DNAAF3: variants seen among roughly 807,000 people sequenced by gnomAD.
DNAAF3 encodes the protein UPF0470 protein C19orf51.
A neutral mutation model predicts 50.9 loss-of-function variants in DNAAF3; 40 were observed. The observed-to-expected ratio is 0.79, with a 90% CI of 0.61 to 1.02. The LOEUF is 1.02. DNAAF3 is among the 50% of genes least tolerant of loss of function. The pLI is 0.00. For missense variants in DNAAF3, 763 were observed against 744.7 expected, an observed-to-expected ratio of 1.02 and a Z score of -0.29; for synonymous variants, 327 against 322.8, an observed-to-expected ratio of 1.01 and a Z score of -0.14.
chr19:55,159,419 C>T lies in DNAAF3; in HGVS notation c.1269G>A (p.Leu423=). 1.2e-6 allele frequency: 2 copies of T among 1,614,124 alleles called. No individual in the cohort carries two copies. The highest frequency in any genetic ancestry group is 1.7e-6 in the Non-Finnish European group (2 of 1,179,990). The change falls in exon 12 of 12, where the codon CTG becomes CTA. Residue 423 remains leucine (L), a synonymous_variant. Coordinates refer to ENST00000524407, the MANE Select transcript of DNAAF3 (RefSeq NM_001256715.2). ...CCCTGACCCGGGTGTTGAATCCCTG[C>T]AGCTGCTCCTGCCGCACGTCCACCA... ...RYLVDVRQEQ[L]QGFNTRVREL... is the part of the protein sequence containing the mutation.
intron 4 of DNAAF3, among the ~76,000 whole-genome samples, chr19:55,162,976 ATTTCTTTTTCT>A (rs2085864979): frequency 4.1e-4 from 28 of 68,164 alleles, no homozygotes; most frequent in African/African-American, 1.0e-3. Context: ...CTAATGTTTT[ATTTCTTTTTCT>A]TTTCTTTTTC....
In DNAAF3 at chr19:55,161,517, C is replaced by A; in HGVS notation, c.664-99G>T. ...AGACCCAGGAGTCCAGGTCCCCAGG[C>A]CCTCCTCCCTCAGACCCAGGAGTTC... On this transcript the variant is annotated intron_variant, in intron 6 of 11. Transcript: ENST00000524407. This position sits in a 1 kb window ranked among gnomAD's most constrained non-coding sequence, Gnocchi z 6.4. 6.7e-7 allele frequency: 1 copy of A among 1,498,250 alleles called. No individual in the cohort carries two copies. The highest frequency in any genetic ancestry group is 8.9e-7 in the Non-Finnish European group (1 of 1,125,890). The allele number at this position is 1,498,250 out of a possible 1,614,324, so 92.8% of individuals were successfully genotyped here. A position where few individuals can be genotyped will look rare whatever the true frequency, so the allele number is the denominator to read the frequency against.
intron 4 of DNAAF3, 102 bp downstream of exon 4, chr19:55,165,268 G>A: frequency 8.3e-7 from 1 of 1,198,838 alleles, no homozygotes; most frequent in South Asian, 1.3e-5. Context: ...CCGCCTCCCA[G>A]GAAAATAACC....
At position 55,161,382 on chromosome 19, in the gene DNAAF3, G is replaced by T. The variant is rs1161330739; in HGVS notation, c.700C>A (p.Arg234=). The T allele has an allele frequency of 2.8e-6, 4 of 1,443,536 alleles. No individual in the cohort carries two copies. Among genetic ancestry groups the T allele is most frequent in the African/African-American group, 3.0e-5 (2 of 67,548 alleles). 89.4% of individuals were successfully genotyped at this position (1,443,536 alleles called of 1,614,324 possible). ...VIHPQEFRRW[R]DTGVAFELRD... ...AGTTCAAAGGCGACGCCTGTGTCCC[G>T]CCAGCGTCGGAACTCCTGGGGGTGA... Residue 234 remains arginine (R), a synonymous_variant, in exon 7 of 12, where the codon CGG becomes AGG. Transcript: ENST00000524407. The surrounding 1 kb of genome is among the most constrained non-coding windows in gnomAD (Gnocchi z 6.4).
At position 55,165,446 on chromosome 19, in the gene DNAAF3, A is replaced by G; in HGVS notation, c.246T>C (p.Asn82=). 6.2e-7 allele frequency: 1 copy of G among 1,614,032 alleles called. No individual in the cohort carries two copies. Among genetic ancestry groups the G allele is most frequent in the East Asian group, 2.2e-5 (1 of 44,874 alleles). The part of the protein sequence containing the change: ...RRRFNFFVLE[N]NLEAVARHML... ...TGTGTCGGGCCACAGCTTCCAGATT[A>G]TTCTCCAGCACAAAGAACTAGAAGG... The change falls in exon 4 of 12, where the codon AAT becomes AAC. Residue 82 remains asparagine, a synonymous_variant. Coordinates refer to ENST00000524407, the MANE Select transcript of DNAAF3 (RefSeq NM_001256715.2).
chr19:55,161,198 A>G lies in DNAAF3; in HGVS notation c.790-11T>C. On this transcript the variant is annotated splice_polypyrimidine_tract_variant and intron_variant, in intron 7 of 11. Transcript: ENST00000524407. The surrounding 1 kb of genome is among the most constrained non-coding windows in gnomAD (Gnocchi z 6.4). ...CACGCGCTCCCCACGCTGGAAAAGG[A>G]GGGAGAGAGGAGGCAGGTGAGGTCG... 2 of 1,580,878 alleles carry G rather than the reference A, an allele frequency of 1.3e-6. No individual in the cohort carries two copies. Among genetic ancestry groups the G allele is most frequent in the East Asian group, 2.3e-5 (1 of 42,990 alleles).
chr19:55,160,775 T>A lies in DNAAF3; in HGVS notation c.913A>T (p.Thr305Ser), dbSNP rs774742991. Residue 305 changes from threonine to serine, a missense_variant and splice_region_variant, in exon 9 of 12, where the codon ACG (threonine) becomes TCG (serine). Physicochemically the swap from Thr to Ser is moderately conservative, Grantham distance 58. Coordinates refer to ENST00000524407, the MANE Select transcript of DNAAF3 (RefSeq NM_001256715.2). This position sits in a 1 kb window ranked among gnomAD's most constrained non-coding sequence, Gnocchi z 4.7. The stretch of plus-strand genomic sequence containing the variant: ...TTGTGTTGAGTGATCTCCCCGGCCG[T>A]CTAACAGTAGAAGGGGCGTGGCCAG... The part of the protein sequence containing the change: ...LRTSNGQPVK[T>S]AGEITQHNVT... 1.9e-6 allele frequency: 3 copies of A among 1,608,682 alleles called. No homozygotes were observed. Among genetic ancestry groups the A allele is most frequent in the Non-Finnish European group, 2.5e-6 (3 of 1,179,204 alleles).
At chr19:55,162,350 C>G in intron 4 of DNAAF3, 60 bp from the exon 5 acceptor site, 1 of 1,242,028 alleles carries the variant, frequency 8.1e-7, no homozygotes, top group Non-Finnish European at 1.0e-6. Context: ...GAAATTACAC[C>G]CTTAATATGT....
chr19:55,163,739 G>A (rs1185212764), intron 4 of DNAAF3, among the ~76,000 whole-genome samples: 1 of 152,166 alleles, frequency 6.6e-6, no homozygotes. Flanking sequence ...ATAGTTTCAT[G>A]TTAGTTGTTT....
In DNAAF3 at chr19:55,160,991, T is replaced by A; in HGVS notation, c.912+74A>T. The A allele has an allele frequency of 4.1e-6, 6 of 1,476,252 alleles. No homozygotes were observed. The highest frequency in any genetic ancestry group is 5.4e-6 in the Non-Finnish European group (6 of 1,116,056). The allele number at this position is 1,476,252 out of a possible 1,614,324, so 91.4% of individuals were successfully genotyped here. On this transcript the variant is annotated intron_variant, in intron 8 of 11. Transcript: ENST00000524407. The surrounding 1 kb of genome is among the most constrained non-coding windows in gnomAD (Gnocchi z 4.7). ...GTCTGGAGCTGGGGGCGGGGCCTGCTGTGGGGGCGGGGCCTTGCGCACCCA... is the reference window on the plus strand; with the variant it reads ...GTCTGGAGCTGGGGGCGGGGCCTGCAGTGGGGGCGGGGCCTTGCGCACCCA...
intron 10 of DNAAF3, 115 bp downstream of exon 10, chr19:55,159,784 T>A: frequency 1.0e-6 from 1 of 964,078 alleles, no homozygotes; most frequent in Non-Finnish European, 1.3e-6. Context: ...GCTGGGGGCC[T>A]GGACCCCTGG....
At position 55,160,036 on chromosome 19, in the gene DNAAF3, T is replaced by G; in HGVS notation, c.1049-23A>C. 1 of 1,483,888 alleles carries G rather than the reference T, an allele frequency of 6.7e-7. No homozygotes were observed. Among genetic ancestry groups the G allele is most frequent in the Non-Finnish European group, 9.4e-7 (1 of 1,062,982 alleles). The allele number at this position is 1,483,888 out of a possible 1,614,324, so 91.9% of individuals were successfully genotyped here. A position where few individuals can be genotyped will look rare whatever the true frequency, so the allele number is the denominator to read the frequency against. On this transcript the variant is annotated intron_variant, in intron 9 of 11. Transcript: ENST00000524407. The surrounding 1 kb of genome is among the most constrained non-coding windows in gnomAD (Gnocchi z 4.7). ...CTGCTGGGGGAAGGGGATAGAGGGG[T>G]CACCTCTGACAGGCGGAGCCATAAG...
intron 4 of DNAAF3, among the ~76,000 whole-genome samples, chr19:55,165,028 T>C (rs2085913120): frequency 1.5e-5 from 2 of 133,766 alleles, no homozygotes; most frequent in Non-Finnish European, 3.2e-5. Flanking sequence ...TCTCTTTTTT[T>C]TTTTTTTTTT....
intron 4 of DNAAF3, among the ~76,000 whole-genome samples, chr19:55,164,458 G>T (rs1013792809): frequency 1.3e-5 from 2 of 152,134 alleles, no homozygotes; most frequent in African/African-American, 4.8e-5. Context: ...CTCCAATCTG[G>T]GCAACGGGAC....
chr19:55,164,523 CTT>C (rs1189415829), intron 4 of DNAAF3, among the ~76,000 whole-genome samples: 4 of 145,400 alleles, frequency 2.8e-5, no homozygotes, highest in African/African-American at 1.0e-4. Flanking sequence ...TTTTCTTTTT[CTT>C]TCTTTCTTTT....
upstream of DNAAF3, chr19:55,166,665 G>C: frequency 6.2e-7 from 1 of 1,605,882 alleles, no homozygotes; most frequent in Non-Finnish European, 8.5e-7. The surrounding 1 kb of genome is among the most constrained non-coding windows in gnomAD (Gnocchi z 4.0). Context: ...TGGGACCACA[G>C]CGAGCAACTG....
rs925142793 is a variant in DNAAF3 at position 55,166,490 on chromosome 19, C to T, written c.-5+33G>A. 1.2e-6 allele frequency: 2 copies of T among 1,613,736 alleles called. No homozygotes were observed. ...CCCTCTCACCGCCCCTCACTTCTCG[C>T]CCCTTTGCCTCCACATGATACCTTG... On this transcript the variant is annotated intron_variant, in intron 1 of 11. Transcript: ENST00000524407. This position sits in a 1 kb window ranked among gnomAD's most constrained non-coding sequence, Gnocchi z 4.0.
upstream of DNAAF3, chr19:55,166,626 G>A (rs779603085): frequency 6.2e-7 from 1 of 1,613,800 alleles, no homozygotes; most frequent in Admixed American, 1.7e-5. This position sits in a 1 kb window ranked among gnomAD's most constrained non-coding sequence, Gnocchi z 4.0. Context: ...CGCCCTTTTC[G>A]AGGAATCAAG....
chr19:55,161,312 G>A lies in DNAAF3; in HGVS notation c.770C>T (p.Ser257Phe), dbSNP rs765044149. The change falls in exon 7 of 12, where the codon TCC (serine) becomes TTC (phenylalanine). Residue 257 changes from serine to phenylalanine, a missense_variant. By Grantham distance (155) the Ser-to-Phe change is radical. Coordinates refer to ENST00000524407, the MANE Select transcript of DNAAF3 (RefSeq NM_001256715.2). The surrounding 1 kb of genome is among the most constrained non-coding windows in gnomAD (Gnocchi z 6.4). ...ACGCACGTAGCTCAGGAGGCGACCG[G>A]ACGCCAGGGTCCGGTTGGGCACATG... ...AYHVPNRTLASGRLLSYRGER... is the reference protein window; with the variant it reads ...AYHVPNRTLAFGRLLSYRGER... 1 of 1,610,742 alleles carries A rather than the reference G, an allele frequency of 6.2e-7. No individual in the cohort carries two copies.
Sources: allele counts gnomAD v4.1 joint callset (sites outside exome capture counted in the v4.1 genomes callset), GRCh38; gene constraint gnomAD v4.1.1; non-coding constraint Gnocchi (gnomAD v3.1); transcripts MANE v1.5; gene names NCBI Gene and HGNC (gene_info 2026-07-23, HGNC 2026-07-21).